FIBCD1: variants seen among roughly 807,000 people sequenced by gnomAD.
FIBCD1 encodes fibrinogen C domain containing 1.
Under a neutral mutation model 45.1 loss-of-function variants are expected in FIBCD1, and 47 were observed. That is an observed-to-expected ratio of 1.04 (90% CI 0.82 to 1.33). The LOEUF (loss-of-function observed/expected upper bound fraction) is 1.33. Among genes scored for constraint, FIBCD1 ranks in the 40% most tolerant of loss-of-function variants. FIBCD1 has a pLI of 0.00. For missense variants in FIBCD1, 653 were observed against 682.2 expected (o/e 0.96, Z 0.48); for synonymous variants, 313 against 308.1 (o/e 1.02, Z -0.17).
rs745796811 is a variant in FIBCD1, at chr9:130,926,541, C to T, written c.553-2145G>A. Among the ~76,000 whole-genome samples the T allele has an allele frequency of 6.6e-6, 1 of 152,144 alleles. No homozygotes were observed. ...TCTCCATAAAATGGGATAACAAGGC[C>T]GGGTGTGGTGGCTCACGCCTGTAAT... On this transcript the variant is annotated intron_variant, in intron 2 of 6. Coordinates refer to ENST00000372338, the MANE Select transcript of FIBCD1 (RefSeq NM_032843.5). This position sits in a 1 kb window ranked among gnomAD's most constrained non-coding sequence, Gnocchi z 4.1.
upstream of FIBCD1, among the ~76,000 whole-genome samples, chr9:130,939,847 G>C (rs997469101): frequency 4.6e-5 from 7 of 151,982 alleles, no homozygotes; most frequent in Non-Finnish European, 8.8e-5. Flanking sequence ...CTTAATCTGC[G>C]CGGCGAACGA....
At chr9:130,919,152 G>A (rs558375636) in intron 4 of FIBCD1, among the ~76,000 whole-genome samples, 176 of 152,354 alleles carry the variant, frequency 1.2e-3, no homozygotes, top group Admixed American at 3.2e-3. Flanking sequence ...GGCCCTGCAC[G>A]TGCATTGTCC....
chr9:130,936,659 C>T (rs939761598), intron 1 of FIBCD1, among the ~76,000 whole-genome samples: 2 of 152,254 alleles, frequency 1.3e-5, no homozygotes, highest in South Asian at 2.1e-4. Flanking sequence ...GCCTGCTGGC[C>T]GTCTCCTGAG....
chr9:130,915,960 T>C (rs1316406386), intron 4 of FIBCD1, among the ~76,000 whole-genome samples: 2 of 152,092 alleles, frequency 1.3e-5, no homozygotes, highest in Non-Finnish European at 2.9e-5. Context: ...TGACACAGAG[T>C]GTTACTCTGT....
chr9:130,924,060 C>G (rs866925548), intron 3 of FIBCD1, among the ~76,000 whole-genome samples, 177 bp downstream of exon 3: 12 of 152,350 alleles, frequency 7.9e-5, no homozygotes, highest in African/African-American at 2.2e-4. Context: ...GAGAATCACC[C>G]TCTCTGGGAC....
chr9:130,924,182 C>G, intron 3 of FIBCD1, 55 bp downstream of exon 3: 1 of 1,493,582 alleles, frequency 6.7e-7, no homozygotes, highest in South Asian at 1.3e-5. Flanking sequence ...AACTTCCCCG[C>G]TCCCCAGAGC....
At chr9:130,913,412 T>C (rs533851402) in intron 4 of FIBCD1, among the ~76,000 whole-genome samples, 15 of 152,374 alleles carry the variant, frequency 9.8e-5, no homozygotes, top group Admixed American at 7.8e-4. Context: ...CGCTCGGAAC[T>C]GCCCGGATGC....
chr9:130,904,790 G>A (rs1324877997), intron 6 of FIBCD1, among the ~76,000 whole-genome samples: 2 of 152,224 alleles, frequency 1.3e-5, no homozygotes, highest in Admixed American at 1.3e-4. Context: ...CGCCTTGCAG[G>A]GGTGAGGACC....
intron 5 of FIBCD1, among the ~76,000 whole-genome samples, chr9:130,905,857 C>T (rs1363343258): frequency 6.6e-6 from 1 of 152,136 alleles, no homozygotes; most frequent in Middle Eastern, 3.2e-3. Context: ...ACTTGGTTAC[C>T]TTCTATTCAT....
rs1356532426 is a variant in FIBCD1, at chr9:130,919,391, C to T, written c.849+4353G>A. On this transcript the variant is annotated intron_variant, in intron 4 of 6. Coordinates refer to ENST00000372338, the MANE Select transcript of FIBCD1 (RefSeq NM_032843.5). ...ACAGCAGATCCCCTGCCACCACTGC[C>T]TCTGGGACAAGGAGGGCCGGCCGCA... 3.3e-5 allele frequency among the ~76,000 whole-genome samples: 5 copies of T among 152,324 alleles called. No individual in the cohort carries two copies. In the South Asian group the frequency reaches 8.3e-4, roughly 25 times the overall value.
chr9:130,938,496 GC>G, intron 1 of FIBCD1, 39 bp downstream of exon 1: 3 of 1,459,916 alleles, frequency 2.1e-6, no homozygotes, highest in Non-Finnish European at 9.0e-7. Context: ...CCACCGCCTG[GC>G]CAGCCGCCCA....
At chr9:130,935,541 G>A (rs1427964398) in intron 1 of FIBCD1, among the ~76,000 whole-genome samples, 1 of 152,222 alleles carries the variant, frequency 6.6e-6, no homozygotes, top group African/African-American at 2.4e-5. Flanking sequence ...GGGACAGATG[G>A]GGCCCAAGGC....
intron 1 of FIBCD1, 96 bp downstream of exon 1, chr9:130,938,440 A>G: frequency 9.0e-7 from 1 of 1,109,168 alleles, no homozygotes. Flanking sequence ...GGTGCGCCCC[A>G]AACTCCAGCC....
chr9:130,917,301 G>A (rs998574090), intron 4 of FIBCD1, among the ~76,000 whole-genome samples: 1 of 152,228 alleles, frequency 6.6e-6, no homozygotes, highest in Admixed American at 6.5e-5. Flanking sequence ...CAGACAGAGA[G>A]TGTTTTCTTG....
intron 4 of FIBCD1, among the ~76,000 whole-genome samples, chr9:130,918,378 G>A (rs1458378391): frequency 1.3e-5 from 2 of 152,198 alleles, no homozygotes; most frequent in African/African-American, 2.4e-5. Flanking sequence ...AATGGGGGGT[G>A]GGTGGGTCCA....
In FIBCD1 at chr9:130,926,231, C is replaced by T. The variant is rs1259113982; in HGVS notation, c.553-1835G>A. 6.6e-6 allele frequency among the ~76,000 whole-genome samples: 1 copy of T among 152,230 alleles called. No homozygotes were observed. The highest frequency in any genetic ancestry group is 1.9e-4 in the East Asian group (1 of 5,204). On this transcript the variant is annotated intron_variant, in intron 2 of 6. Coordinates refer to ENST00000372338, the MANE Select transcript of FIBCD1 (RefSeq NM_032843.5). This position sits in a 1 kb window ranked among gnomAD's most constrained non-coding sequence, Gnocchi z 4.1. ...TACTGCCCATTTATCTGAGTCAACA[C>T]GGCCACAACGCACTAAAAAAAACTC...
At chr9:130,939,912 C>G (rs1832592171), upstream of FIBCD1, among the ~76,000 whole-genome samples, 1 of 151,980 alleles carries the variant, frequency 6.6e-6, no homozygotes. Context: ...CGCCGCGCTC[C>G]CCTCCCGCCG....
chr9:130,906,314 C>A (rs900361130), intron 5 of FIBCD1, among the ~76,000 whole-genome samples: 2 of 152,196 alleles, frequency 1.3e-5, no homozygotes, highest in Non-Finnish European at 2.9e-5. Context: ...AAATGTTTCA[C>A]AAGTTAGTAG....
chr9:130,917,508 C>A (rs1045107945), intron 4 of FIBCD1, among the ~76,000 whole-genome samples: 2 of 152,204 alleles, frequency 1.3e-5, no homozygotes, highest in Non-Finnish European at 2.9e-5. Context: ...CAGCCACCGA[C>A]GGCCCTGTGT....
Sources: allele counts gnomAD v4.1 joint callset (sites outside exome capture counted in the v4.1 genomes callset), GRCh38; gene constraint gnomAD v4.1.1; non-coding constraint Gnocchi (gnomAD v3.1); transcripts MANE v1.5; gene names NCBI Gene and HGNC (gene_info 2026-07-23, HGNC 2026-07-21).